Variants in ZNF248 observed in about 807,000 individuals in gnomAD.
ZNF248 encodes zinc finger protein 248.
In ZNF248, 20 loss-of-function variants were observed where a neutral mutation model predicts 44.3. That is an observed-to-expected ratio of 0.45 (90% CI 0.32 to 0.66). The LOEUF (loss-of-function observed/expected upper bound fraction) is 0.66, where lower values mean the gene tolerates loss of function less well. Ranked by LOEUF, ZNF248 falls within the 30% of genes least tolerant of loss-of-function variation. ZNF248 has a pLI of 0.04. For synonymous variants in ZNF248, 224 were observed against 229.0 expected, an observed-to-expected ratio of 0.98 and a Z score of 0.20; for missense variants, 654 against 677.0, an observed-to-expected ratio of 0.97 and a Z score of 0.38.
intron 6 of ZNF248, among the ~76,000 whole-genome samples, chr10:37,807,226 AG>A (rs1430569388): frequency 6.6e-6 from 1 of 152,094 alleles, no homozygotes; most frequent in African/African-American, 2.4e-5. Context: ...CATATTTTTG[AG>A]GGCCTCTTGG....
At chr10:37,844,955 C>T (rs1344703978) in intron 3 of ZNF248, among the ~76,000 whole-genome samples, 1 of 143,526 alleles carries the variant, frequency 7.0e-6, no homozygotes, top group Non-Finnish European at 1.5e-5. Flanking sequence ...TTCCCTCCCC[C>T]CTTCCTTCTT....
chr10:37,770,107 C>T, the ZNF248 span, among the ~76,000 whole-genome samples: 1 of 152,148 alleles, frequency 6.6e-6, no homozygotes, highest in Non-Finnish European at 1.5e-5. Flanking sequence ...CAAACCACTG[C>T]TCAATGAAAT....
chr10:37,848,412 G>A (rs763211189), intron 3 of ZNF248, among the ~76,000 whole-genome samples: 1 of 151,616 alleles, frequency 6.6e-6, no homozygotes. Context: ...GGGAAACCCC[G>A]TCTCTACTAA....
chr10:37,795,101 A>G (rs995629028), intron 6 of ZNF248: 3 of 152,184 alleles, frequency 2.0e-5, no homozygotes, highest in African/African-American at 7.2e-5. Flanking sequence ...AATTCTCTTA[A>G]AGTTTGAAAT....
chr10:37,831,178 T>C lies in ZNF248; in HGVS notation c.*437A>G. On this transcript the variant is annotated 3_prime_UTR_variant, in exon 6 of 6. Transcript: ENST00000395867. The stretch of plus-strand genomic sequence containing the variant: ...ACGTATCTTCTCCTTATGATCATGT[T>C]GAGTTCCAATATACAAATCAAGCAT... The C allele has an allele frequency of 1.3e-6, 2 of 1,533,752 alleles. No individual in the cohort carries two copies. Among genetic ancestry groups the C allele is most frequent in the Non-Finnish European group, 1.8e-6 (2 of 1,138,356 alleles).
At chr10:37,797,816 G>A (rs2049334261) in intron 6 of ZNF248, among the ~76,000 whole-genome samples, 4 of 152,070 alleles carry the variant, frequency 2.6e-5, no homozygotes. Context: ...ACAAGTATTG[G>A]TGAGATGTAG....
intron 6 of ZNF248, among the ~76,000 whole-genome samples, chr10:37,776,885 G>C (rs111738830): frequency 3.9e-5 from 6 of 152,180 alleles, no homozygotes; most frequent in African/African-American, 1.4e-4. Flanking sequence ...CCCTCAGACC[G>C]TCAGTTTTCT....
At chr10:37,766,222 G>C in the ZNF248 span, among the ~76,000 whole-genome samples, 1 of 152,230 alleles carries the variant, frequency 6.6e-6, no homozygotes, top group African/African-American at 2.4e-5. Context: ...AACCTCTGCA[G>C]ACTTAAATGT....
At chr10:37,779,561 CT>C (rs1220531953) in intron 6 of ZNF248, among the ~76,000 whole-genome samples, 175 of 151,440 alleles carry the variant, frequency 1.2e-3, no homozygotes, top group African/African-American at 4.0e-3. Flanking sequence ...CAATATCATA[CT>C]GAATGGGCAA....
At chr10:37,790,124 A>G (rs918363678) in intron 6 of ZNF248, among the ~76,000 whole-genome samples, 1 of 148,572 alleles carries the variant, frequency 6.7e-6, no homozygotes, top group African/African-American at 2.5e-5. Flanking sequence ...AAAAAAAATG[A>G]GACAGGCGCG....
At chr10:37,783,867 G>C (rs1390474077) in intron 6 of ZNF248, 1 of 152,296 alleles carries the variant, frequency 6.6e-6, no homozygotes, top group Admixed American at 6.5e-5. Context: ...CCAGGCTGGA[G>C]TGCAATGGCA....
chr10:37,854,367 C>A (rs1433958359), intron 3 of ZNF248, among the ~76,000 whole-genome samples: 1 of 152,174 alleles, frequency 6.6e-6, no homozygotes, highest in African/African-American at 2.4e-5. Context: ...GTAAAAGACA[C>A]TGGGGGGGAA....
intron 6 of ZNF248, among the ~76,000 whole-genome samples, chr10:37,789,189 T>A (rs1251455156): frequency 1.3e-5 from 2 of 152,128 alleles, no homozygotes; most frequent in Non-Finnish European, 2.9e-5. Context: ...GTGATATAAA[T>A]GTAAAATTGG....
Position 37,832,431 on chromosome 10 carries a change from G to T in ZNF248, c.924C>A (p.Asp308Glu). The change falls in exon 6 of 6, where the codon GAC becomes GAA. Residue 308 changes from aspartate (D) to glutamate (E), a missense_variant. Asp to Glu is a conservative substitution (Grantham distance 45, BLOSUM62 2). Coordinates refer to ENST00000395867, the MANE Select transcript of ZNF248 (RefSeq NM_021045.3). ...CCTGATGGATAATGAAAGCTGAATT[G>T]TCACAGAAGATTTCCCCATATTCAT... The part of the protein sequence containing the change: ...EYNEYGEIFC[D>E]NSAFIIHQGA... The T allele has an allele frequency of 6.2e-7, 1 of 1,613,964 alleles. No individual in the cohort carries two copies. Among genetic ancestry groups the T allele is most frequent in the East Asian group, 2.2e-5 (1 of 44,864 alleles).
intron 3 of ZNF248, among the ~76,000 whole-genome samples, chr10:37,855,194 AG>A (rs2061057395): frequency 6.6e-6 from 1 of 152,228 alleles, no homozygotes. Context: ...CATACATTCC[AG>A]TAAGTCTGGG....
intron 6 of ZNF248, chr10:37,819,500 C>A (rs1052293694): frequency 2.4e-6 from 3 of 1,232,650 alleles, no homozygotes; most frequent in East Asian, 4.7e-5. Context: ...GTAAACTTTA[C>A]TGAAACCTCC....
chr10:37,848,554 G>T (rs2059697101), intron 3 of ZNF248, among the ~76,000 whole-genome samples: 1 of 150,944 alleles, frequency 6.6e-6, no homozygotes, highest in Admixed American at 6.6e-5. Flanking sequence ...CTGCACTCCA[G>T]CCTGGGTGAC....
chr10:37,844,956 C>A (rs1181238324), intron 3 of ZNF248, among the ~76,000 whole-genome samples: 2 of 41,348 alleles, frequency 4.8e-5, no homozygotes, highest in Non-Finnish European at 1.1e-4. Flanking sequence ...TCCCTCCCCC[C>A]TTCCTTCTTC....
chr10:37,800,525 G>GATATTT, intron 6 of ZNF248, among the ~76,000 whole-genome samples: 1 of 152,266 alleles, frequency 6.6e-6, no homozygotes, highest in East Asian at 1.9e-4. Flanking sequence ...ACTGTTGATT[G>GATATTT]ATATTTAGGT....
Sources: allele counts gnomAD v4.1 joint callset (sites outside exome capture counted in the v4.1 genomes callset), GRCh38; gene constraint gnomAD v4.1.1; transcripts MANE v1.5; gene names NCBI Gene and HGNC (gene_info 2026-07-23, HGNC 2026-07-21).